The following IPO8 variants were observed in gnomAD, a reference collection of about 807,000 sequenced individuals.
The protein encoded by IPO8 is importin 8, also known as importin-8.
IPO8 carries 65 observed loss-of-function variants against 141.2 expected under a neutral mutation model. That is an observed-to-expected ratio of 0.46 (90% CI 0.38 to 0.57). IPO8 has a LOEUF of 0.57. Among genes scored for constraint, IPO8 ranks in the 20% least tolerant of loss-of-function variants. The probability of loss-of-function intolerance (pLI) is 0.00; values close to 1 mark genes in which losing one functional copy is unlikely to be tolerated. For missense variants in IPO8, 980 were observed against 1,246.8 expected (o/e 0.79, Z 3.22); for synonymous variants, 411 against 420.3 (o/e 0.98, Z 0.27).
intron 6 of IPO8, among the ~76,000 whole-genome samples, chr12:30,675,555 C>T (rs543061553): frequency 1.3e-5 from 2 of 151,864 alleles, no homozygotes; most frequent in East Asian, 1.9e-4. Context: ...AGGCCAGGCG[C>T]GGTGGCTCAC....
chr12:30,662,527 T>C (rs1181010338), intron 14 of IPO8, 40 bp from the exon 15 acceptor site: 1 of 1,496,054 alleles, frequency 6.7e-7, no homozygotes, highest in Non-Finnish European at 9.2e-7. Flanking sequence ...AAAATTACCA[T>C]GCCCAGATGA....
In IPO8 at chr12:30,661,201, C is replaced by T; in HGVS notation, c.1821G>A (p.Met607Ile). 2 of 1,594,636 alleles carry T rather than the reference C, an allele frequency of 1.3e-6. No individual in the cohort carries two copies. Among genetic ancestry groups the T allele is most frequent in the Non-Finnish European group, 1.7e-6 (2 of 1,170,340 alleles). The change falls in exon 16 of 25, where the codon ATG becomes ATA. Residue 607 changes from methionine to isoleucine, a missense_variant. Met to Ile is a conservative substitution (Grantham distance 10, BLOSUM62 1). Coordinates refer to ENST00000256079, the MANE Select transcript of IPO8 (RefSeq NM_006390.4). Reference sequence around the variant, plus strand: ...CAATGGTATGTAAAATTCCCATAGCCATTACTGTTTTGTCTTCAACTTCTT... The same window carrying T: ...CAATGGTATGTAAAATTCCCATAGCTATTACTGTTTTGTCTTCAACTTCTT... Reference protein sequence around the residue: ...EYEEVEDKTVMAMGILHTIDT... With the variant: ...EYEEVEDKTVIAMGILHTIDT...
At chr12:30,675,924 G>C (rs1057455829) in intron 6 of IPO8, among the ~76,000 whole-genome samples, 5 of 151,650 alleles carry the variant, frequency 3.3e-5, no homozygotes, top group Non-Finnish European at 7.4e-5. Flanking sequence ...TAAGTTTTAA[G>C]TGAAAACTGA....
At chr12:30,635,846 T>A (rs1473490401) in intron 22 of IPO8, among the ~76,000 whole-genome samples, 2 of 152,018 alleles carry the variant, frequency 1.3e-5, no homozygotes, top group African/African-American at 4.8e-5. Flanking sequence ...AGTTAATCAT[T>A]CCATACTTTA....
Position 30,669,269 on chromosome 12 carries a change from T to C in IPO8, c.1058A>G (p.Asp353Gly). 1 of 1,530,184 alleles carries C rather than the reference T, an allele frequency of 6.5e-7. No homozygotes were observed. Among genetic ancestry groups the C allele is most frequent in the Non-Finnish European group, 8.9e-7 (1 of 1,126,062 alleles). 94.8% of individuals were successfully genotyped at this position (1,530,184 alleles called of 1,614,324 possible). Residue 353 changes from aspartate (D) to glycine (G), a missense_variant, in exon 10 of 25, where the codon GAT becomes GGT. By Grantham distance (94) the Asp-to-Gly change is moderately conservative. This residue lies in a region of IPO8 where 924 missense variants were observed against 1,153.9 expected (regional missense o/e 0.80). Transcript: ENST00000256079. ...ATAACACATCACAGAAAAAATCACA[T>C]CTTCAGAGATATTCTAAAATGAGAA... Reference protein sequence around the residue: ...MKPHIQNISEDVIFSVMCYKD... With the variant: ...MKPHIQNISEGVIFSVMCYKD...
chr12:30,651,851 CATTAA>C (rs2052731119), intron 19 of IPO8, among the ~76,000 whole-genome samples: 1 of 151,914 alleles, frequency 6.6e-6, no homozygotes, highest in Non-Finnish European at 1.5e-5. Context: ...CCAATATATA[CATTAA>C]ATTAAAAAAT....
intron 9 of IPO8, among the ~76,000 whole-genome samples, chr12:30,670,227 C>T (rs190376568): frequency 1.6e-4 from 25 of 152,106 alleles, no homozygotes; most frequent in Admixed American, 9.8e-4. Context: ...GTTGGTAAGA[C>T]GGGTAATAAC....
chr12:30,658,700 T>C (rs1253553112), intron 16 of IPO8, among the ~76,000 whole-genome samples: 1 of 152,104 alleles, frequency 6.6e-6, no homozygotes, highest in Non-Finnish European at 1.5e-5. Context: ...AAGTCCTAAG[T>C]ATAAGACAAA....
At chr12:30,663,771 T>C in intron 13 of IPO8, 117 bp from the exon 14 acceptor site, 1 of 778,896 alleles carries the variant, frequency 1.3e-6, no homozygotes, top group Non-Finnish European at 1.8e-6. Flanking sequence ...TGTTTGCTTT[T>C]GGGGTAACAC....
In IPO8 at chr12:30,690,480, TA is replaced by T; in HGVS notation, c.166+15del. On this transcript the variant is annotated intron_variant, in intron 2 of 24. Coordinates refer to ENST00000256079, the MANE Select transcript of IPO8 (RefSeq NM_006390.4). ...CACCTATAAATAAATTTATAAAGGA[TA>T]AAAAACCAACTCACCTGCCTGTCGT... 1.3e-6 allele frequency: 2 copies of T among 1,505,814 alleles called. No individual in the cohort carries two copies. Among genetic ancestry groups the T allele is most frequent in the Non-Finnish European group, 1.8e-6 (2 of 1,097,706 alleles). The allele number at this position is 1,505,814 out of a possible 1,614,324, so 93.3% of individuals were successfully genotyped here. A position where few individuals can be genotyped will look rare whatever the true frequency, so the allele number is the denominator to read the frequency against.
At chr12:30,687,644 A>G (rs1336039010) in intron 2 of IPO8, among the ~76,000 whole-genome samples, 2 of 152,160 alleles carry the variant, frequency 1.3e-5, no homozygotes, top group Non-Finnish European at 2.9e-5. Flanking sequence ...TATCAAAACA[A>G]TATTAAATAG....
chr12:30,665,698 A>T, intron 12 of IPO8, 31 bp downstream of exon 12: 1 of 1,342,168 alleles, frequency 7.5e-7, no homozygotes, highest in Non-Finnish European at 1.1e-6. Context: ...TTACAATGTT[A>T]TTAAGTAAAT....
chr12:30,659,515 A>AC lies in IPO8; in HGVS notation c.1881+1625_1881+1626insG, dbSNP rs529716220. 7.1e-4 allele frequency among the ~76,000 whole-genome samples: 107 copies of AC among 151,250 alleles called. 1 individual carries two copies. Among genetic ancestry groups the AC allele is most frequent in the Non-Finnish European group, 2.8e-4 (19 of 67,808 alleles). On this transcript the variant is annotated intron_variant, in intron 16 of 24. Transcript: ENST00000256079. ...CTCAAACAAATAAACAAAAAAAAAAAAACCAAGTCATCTTCCATTGGCACG... is the reference window on the plus strand; with the variant it reads ...CTCAAACAAATAAACAAAAAAAAAAACAACCAAGTCATCTTCCATTGGCACG...
At chr12:30,674,587 TA>T in intron 7 of IPO8, 71 bp downstream of exon 7, 1 of 1,147,882 alleles carries the variant, frequency 8.7e-7, no homozygotes, top group Non-Finnish European at 1.3e-6. Flanking sequence ...TCGGTGGCTC[TA>T]AAGACAGATA....
At chr12:30,636,238 C>CA (rs963911644) in intron 22 of IPO8, among the ~76,000 whole-genome samples, 10 of 151,936 alleles carry the variant, frequency 6.6e-5, no homozygotes, top group Non-Finnish European at 1.3e-4. Flanking sequence ...AATTTAGCAT[C>CA]AAAAATAGAG....
At chr12:30,667,009 G>T (rs2052976505) in intron 10 of IPO8, among the ~76,000 whole-genome samples, 3 of 152,148 alleles carry the variant, frequency 2.0e-5, no homozygotes, top group Non-Finnish European at 1.5e-5. Flanking sequence ...ACAAGTTTCA[G>T]AATAGGCAGT....
At chr12:30,660,115 C>T (rs1037973916) in intron 16 of IPO8, among the ~76,000 whole-genome samples, 3 of 151,910 alleles carry the variant, frequency 2.0e-5, no homozygotes, top group East Asian at 3.9e-4. Context: ...CCCAGCTCCT[C>T]GGGAGGCTGA....
intron 16 of IPO8, among the ~76,000 whole-genome samples, chr12:30,657,703 T>C (rs1362856089): frequency 6.6e-6 from 1 of 152,174 alleles, no homozygotes; most frequent in Non-Finnish European, 1.5e-5. Context: ...TGACACATCA[T>C]ACAAGGGAAT....
intron 17 of IPO8, among the ~76,000 whole-genome samples, chr12:30,654,203 G>C (rs2052765804): frequency 6.6e-6 from 1 of 151,602 alleles, no homozygotes; most frequent in Non-Finnish European, 1.5e-5. Flanking sequence ...AAATCTACTT[G>C]AAATTAATTA....
Sources: gnomAD v4.1 joint callset for allele counts (sites outside exome capture counted in the v4.1 genomes callset) on GRCh38, gnomAD v4.1.1 for gene constraint, gnomAD v4.1.1 regional missense constraint, MANE v1.5 for transcripts, NCBI Gene and HGNC (gene_info 2026-07-23, HGNC 2026-07-21) for gene names.